The following DCC variants were observed in gnomAD, a reference collection of about 807,000 sequenced individuals.
DCC encodes the protein DCC netrin 1 receptor, also known as netrin receptor DCC.
In DCC, 58 loss-of-function variants were observed where a neutral mutation model predicts 172.5. The ratio of observed to expected loss-of-function variants is 0.34; its 90% CI spans 0.27 to 0.42. The LOEUF (loss-of-function observed/expected upper bound fraction) is 0.42. Ranked by LOEUF, DCC falls within the 10% of genes least tolerant of loss-of-function variation. The probability of loss-of-function intolerance (pLI) is 1.00; values close to 1 mark genes in which losing one functional copy is unlikely to be tolerated. For synonymous variants in DCC, 709 were observed against 644.5 expected, an observed-to-expected ratio of 1.10 and a Z score of -1.52; for missense variants, 1,740 against 1,791.0, an observed-to-expected ratio of 0.97 and a Z score of 0.51.
At chr18:52,561,583 G>A (rs2033040569) in intron 1 of DCC, among the ~76,000 whole-genome samples, 1 of 152,030 alleles carries the variant, frequency 6.6e-6, no homozygotes, top group Non-Finnish European at 1.5e-5. Context: ...AAGCGAATGT[G>A]GAAACACTAA....
rs187626428 is a variant in DCC at position 53,088,680 on chromosome 18, A to C, written c.1261+22514A>C. 3.3e-3 allele frequency among the ~76,000 whole-genome samples: 507 copies of C among 152,324 alleles called. 1 individual carries two copies. The highest frequency in any genetic ancestry group is 0.011 in the African/African-American group (445 of 41,574). ...GATAGACCGCTAGCAAGACTAATAA[A>C]GAAAAAAAGAGAGAAGAATCAAATA... is the stretch of plus-strand genomic sequence containing the variant. On this transcript the variant is annotated intron_variant, in intron 7 of 28. Transcript: ENST00000442544.
chr18:52,524,719 C>A (rs2031926284), intron 1 of DCC, among the ~76,000 whole-genome samples: 1 of 152,098 alleles, frequency 6.6e-6, no homozygotes. Context: ...TTTGAGTATG[C>A]CTGCTGTTCA....
At chr18:53,424,445 T>G (rs13381864) in intron 21 of DCC, among the ~76,000 whole-genome samples, 65,629 of 151,996 alleles carry the variant, frequency 0.43, 15,975 homozygotes, top group Non-Finnish European at 0.56. Flanking sequence ...GCTTGCAATA[T>G]AGTTAGGAGG....
In DCC at chr18:52,835,961, A is replaced by G. The variant is rs533655568; in HGVS notation, c.413-70083A>G. Among the ~76,000 whole-genome samples the G allele has an allele frequency of 2.8e-4, 43 of 152,338 alleles. No homozygotes were observed. The East Asian group carries it at 7.7e-3, about 27-fold the overall frequency. On this transcript the variant is annotated intron_variant, in intron 2 of 28. Coordinates refer to ENST00000442544, the MANE Select transcript of DCC (RefSeq NM_005215.4). ...ATATCCGAGACTGAGTAATTTATAAAGGAAAAAGGTTTAATTGACTCACAA... is the reference window on the plus strand; with the variant it reads ...ATATCCGAGACTGAGTAATTTATAAGGGAAAAAGGTTTAATTGACTCACAA...
At chr18:52,846,608 A>AACACACACACACACACACACACACACAC (rs71175524) in intron 2 of DCC, among the ~76,000 whole-genome samples, 1 of 130,498 alleles carries the variant, frequency 7.7e-6, no homozygotes, top group African/African-American at 3.0e-5. Context: ...TGCCACTCCA[A>AACACACACACACACACACACACACACAC]ACACACACAC....
intron 27 of DCC, among the ~76,000 whole-genome samples, chr18:53,509,743 C>A (rs563890700): frequency 4.6e-5 from 7 of 152,274 alleles, no homozygotes; most frequent in African/African-American, 1.7e-4. Flanking sequence ...AACCACTTGA[C>A]CTGCTGTTTT....
intron 1 of DCC, among the ~76,000 whole-genome samples, chr18:52,387,253 T>C (rs768249486): frequency 3.3e-5 from 5 of 152,156 alleles, no homozygotes; most frequent in African/African-American, 4.8e-5. Context: ...GCCTGTTTTC[T>C]ATGAGACTTA....
intron 1 of DCC, among the ~76,000 whole-genome samples, chr18:52,438,221 C>T (rs575856642): frequency 3.9e-5 from 6 of 152,264 alleles, no homozygotes; most frequent in Admixed American, 1.3e-4. Flanking sequence ...ACTGGGTTCT[C>T]GACATCTGCA....
intron 1 of DCC, among the ~76,000 whole-genome samples, chr18:52,581,489 A>G (rs1296369002): frequency 6.6e-6 from 1 of 152,142 alleles, no homozygotes; most frequent in Non-Finnish European, 1.5e-5. Flanking sequence ...GAGCTCAATA[A>G]ATATTTGTGG....
chr18:52,657,401 A>G (rs1391313041), intron 1 of DCC, among the ~76,000 whole-genome samples: 1 of 152,130 alleles, frequency 6.6e-6, no homozygotes, highest in African/African-American at 2.4e-5. Context: ...TCTAAACTAG[A>G]AAGAATTTGC....
intron 1 of DCC, among the ~76,000 whole-genome samples, chr18:52,447,301 AG>A (rs1189908484): frequency 6.6e-6 from 1 of 152,238 alleles, no homozygotes; most frequent in Non-Finnish European, 1.5e-5. Flanking sequence ...GAGGGATCAA[AG>A]AGGTGTAAGA....
At chr18:52,759,170 A>G (rs572435642) in intron 2 of DCC, 1 of 152,138 alleles carries the variant, frequency 6.6e-6, no homozygotes, top group Non-Finnish European at 1.5e-5. Context: ...CATCACCAAT[A>G]TTTCCCCAAC....
chr18:52,718,601 C>A (rs887855133), intron 1 of DCC, among the ~76,000 whole-genome samples: 1 of 152,148 alleles, frequency 6.6e-6, no homozygotes, highest in African/African-American at 2.4e-5. Flanking sequence ...CTCCGTGTGG[C>A]TCTGTGGGAT....
chr18:53,111,717 T>C (rs1245303254), intron 7 of DCC, among the ~76,000 whole-genome samples: 1 of 151,714 alleles, frequency 6.6e-6, no homozygotes, highest in Non-Finnish European at 1.5e-5. Context: ...ATGTCCATCT[T>C]GTACATTTTC....
intron 15 of DCC, among the ~76,000 whole-genome samples, chr18:53,361,196 A>C (rs895838042): frequency 6.6e-6 from 1 of 152,128 alleles, no homozygotes; most frequent in South Asian, 2.1e-4. Flanking sequence ...GGATCCTCTC[A>C]TAGGCCTTCA....
chr18:53,108,051 G>A (rs1039884759), intron 7 of DCC, among the ~76,000 whole-genome samples: 5 of 151,550 alleles, frequency 3.3e-5, no homozygotes, highest in Non-Finnish European at 5.9e-5. Context: ...AAAACTCAAC[G>A]TATTTTTCAG....
chr18:53,461,306 T>G (rs992725137), intron 24 of DCC, among the ~76,000 whole-genome samples: 1 of 151,618 alleles, frequency 6.6e-6, no homozygotes, highest in African/African-American at 2.4e-5. Context: ...TTTGTCAATT[T>G]TGTCTTTTGT....
At chr18:52,644,361 G>T (rs1039060632) in intron 1 of DCC, among the ~76,000 whole-genome samples, 1 of 152,148 alleles carries the variant, frequency 6.6e-6, no homozygotes, top group African/African-American at 2.4e-5. Context: ...GGTGGATCAT[G>T]AGGTCAGGAG....
At chr18:53,189,181 GTGTGTGTGTA>G (rs1441341859) in intron 9 of DCC, among the ~76,000 whole-genome samples, 2 of 151,958 alleles carry the variant, frequency 1.3e-5, no homozygotes, top group African/African-American at 4.8e-5. Context: ...GTATATATAT[GTGTGTGTGTA>G]TATATGTGTA....
Sources: allele counts gnomAD v4.1 joint callset (sites outside exome capture counted in the v4.1 genomes callset), GRCh38; gene constraint gnomAD v4.1.1; transcripts MANE v1.5; gene names NCBI Gene and HGNC (gene_info 2026-07-23, HGNC 2026-07-21).